The following MCTP1 variants were observed in gnomAD, a reference collection of about 807,000 sequenced individuals.
MCTP1 encodes the protein multiple C2 and transmembrane domain containing 1.
Under a neutral mutation model 120.6 loss-of-function variants are expected in MCTP1, and 69 were observed. That is an observed-to-expected ratio of 0.57 (90% CI 0.47 to 0.70). MCTP1 has a LOEUF of 0.70. Ranked by LOEUF, MCTP1 falls within the 30% of genes least tolerant of loss-of-function variation. The probability of loss-of-function intolerance (pLI) is 0.00; values close to 1 mark genes in which losing one functional copy is unlikely to be tolerated. For missense variants in MCTP1, 1,203 were observed against 1,248.8 expected, an observed-to-expected ratio of 0.96 and a Z score of 0.55; for synonymous variants, 529 against 493.1, an observed-to-expected ratio of 1.07 and a Z score of -0.96.
intron 5 of MCTP1, among the ~76,000 whole-genome samples, chr5:94,935,403 A>T (rs1040265489): frequency 4.0e-5 from 6 of 151,546 alleles, no homozygotes; most frequent in Non-Finnish European, 5.9e-5. Flanking sequence ...TGCATAAAAA[A>T]CTCACAAGAT....
intron 6 of MCTP1, among the ~76,000 whole-genome samples, chr5:94,928,038 C>T (rs912254310): frequency 6.6e-6 from 1 of 151,932 alleles, no homozygotes; most frequent in Non-Finnish European, 1.5e-5. Context: ...ATGAACTTTT[C>T]TGAAAGAAAA....
At chr5:94,778,214 A>G (rs1268566852) in intron 19 of MCTP1, among the ~76,000 whole-genome samples, 2 of 152,098 alleles carry the variant, frequency 1.3e-5, no homozygotes, top group Non-Finnish European at 1.5e-5. Context: ...CTTTACTACA[A>G]TATAAGTCAG....
chr5:94,876,022 C>A (rs1333252147), intron 12 of MCTP1, among the ~76,000 whole-genome samples: 1 of 152,122 alleles, frequency 6.6e-6, no homozygotes, highest in African/African-American at 2.4e-5. Context: ...AAATTAACAG[C>A]AATTTCAACC....
chr5:95,132,061 T>G (rs1163933365), intron 1 of MCTP1, among the ~76,000 whole-genome samples: 1 of 152,234 alleles, frequency 6.6e-6, no homozygotes, highest in East Asian at 1.9e-4. Context: ...TCTATTTTCT[T>G]TATTGAAATT....
intron 1 of MCTP1, among the ~76,000 whole-genome samples, chr5:95,149,853 G>T (rs1207577007): frequency 6.6e-6 from 1 of 151,876 alleles, no homozygotes; most frequent in Admixed American, 6.5e-5. Context: ...GATTGTGCAG[G>T]TCCCTGTAGG....
intron 11 of MCTP1, among the ~76,000 whole-genome samples, 159 bp from the exon 12 acceptor site, chr5:94,889,131 G>A (rs1801973545): frequency 6.6e-6 from 1 of 151,862 alleles, no homozygotes; most frequent in African/African-American, 2.4e-5. Flanking sequence ...TTTCCTCTTG[G>A]TGAGTTTTGG....
In MCTP1 at chr5:95,134,992, C is replaced by CAAA. The variant is rs70978170; in HGVS notation, c.721-117511_721-117509dup. On this transcript the variant is annotated intron_variant, in intron 1 of 22. Transcript: ENST00000515393. Reference sequence around the variant, plus strand: ...TCTCGATTTACTGTTGCCTGATGGCCAAAAAAAAAAAAAAAAAAAAAAAAA... The same window carrying CAAA: ...TCTCGATTTACTGTTGCCTGATGGCCAAAAAAAAAAAAAAAAAAAAAAAAAAAA... 3.7e-4 allele frequency among the ~76,000 whole-genome samples: 13 copies of CAAA among 35,338 alleles called. 1 individual carries two copies. Among genetic ancestry groups the CAAA allele is most frequent in the South Asian group, 2.7e-3 (1 of 370 alleles). 23.2% of individuals were successfully genotyped at this position (35,338 alleles called of 152,430 possible).
chr5:94,886,342 T>G (rs1170936389), intron 12 of MCTP1, among the ~76,000 whole-genome samples: 3 of 152,240 alleles, frequency 2.0e-5, no homozygotes, highest in Non-Finnish European at 4.4e-5. Flanking sequence ...GTAAGATTGA[T>G]GGCTACTTAA....
At chr5:94,870,573 A>G in intron 15 of MCTP1, 82 bp from the exon 16 acceptor site, 1 of 1,068,000 alleles carries the variant, frequency 9.4e-7, no homozygotes, top group Non-Finnish European at 1.4e-6. Context: ...ATTTGCAATA[A>G]TTTCTAAAGT....
intron 1 of MCTP1, among the ~76,000 whole-genome samples, chr5:95,201,522 T>C (rs1751049476): frequency 9.3e-6 from 1 of 106,968 alleles, no homozygotes; most frequent in Non-Finnish European, 1.8e-5. Context: ...TTTTTTTTTT[T>C]GAGACAGAGT....
intron 1 of MCTP1, among the ~76,000 whole-genome samples, chr5:95,162,133 A>G (rs1248746031): frequency 6.6e-6 from 1 of 152,214 alleles, no homozygotes; most frequent in Admixed American, 6.5e-5. Context: ...CACTGAGACG[A>G]TAAGTAGGCT....
In MCTP1 at chr5:94,805,305, G is replaced by T. The variant is rs565727341; in HGVS notation, c.2437-6173C>A. Among the ~76,000 whole-genome samples, 13 of 151,250 alleles carry T rather than the reference G, an allele frequency of 8.6e-5. No individual in the cohort carries two copies. The South Asian group carries it at 1.0e-3, about 12-fold the overall frequency. ...TTAACCATAAATATTCAGAATGAGG[G>T]TTTTTTTTTGAAAAGTTTTAATTTA... is the stretch of plus-strand genomic sequence containing the variant. On this transcript the variant is annotated intron_variant, in intron 17 of 22. Coordinates refer to ENST00000515393, the MANE Select transcript of MCTP1 (RefSeq NM_024717.7).
At chr5:94,894,581 C>G (rs1803449261) in intron 11 of MCTP1, 68 bp downstream of exon 11, 2 of 1,181,450 alleles carry the variant, frequency 1.7e-6, no homozygotes, top group Non-Finnish European at 2.3e-6. Context: ...TTCTGTCCCT[C>G]CAGGTAAATT....
chr5:95,138,479 A>G (rs1184793521), intron 1 of MCTP1, among the ~76,000 whole-genome samples: 2 of 152,324 alleles, frequency 1.3e-5, no homozygotes, highest in Middle Eastern at 3.4e-3. Flanking sequence ...TCGCATACAC[A>G]AAGAATCATC....
At chr5:94,919,743 G>A (rs1316906767) in intron 7 of MCTP1, among the ~76,000 whole-genome samples, 1 of 152,168 alleles carries the variant, frequency 6.6e-6, no homozygotes, top group African/African-American at 2.4e-5. Context: ...CCAGGCAAAG[G>A]CCTGTTCTAT....
At chr5:94,838,294 A>AG (rs1319071768) in intron 17 of MCTP1, among the ~76,000 whole-genome samples, 1 of 152,248 alleles carries the variant, frequency 6.6e-6, no homozygotes, top group African/African-American at 2.4e-5. Flanking sequence ...CCAAAAGGAC[A>AG]GTCATTTAGC....
intron 19 of MCTP1, among the ~76,000 whole-genome samples, chr5:94,771,011 C>CCATT (rs1301817574): frequency 6.6e-6 from 1 of 152,130 alleles, no homozygotes; most frequent in African/African-American, 2.4e-5. Flanking sequence ...GATAACAAGC[C>CCATT]CATTGCTGCC....
chr5:94,953,429 G>T (rs1437328981), intron 2 of MCTP1, 68 bp from the exon 3 acceptor site: 10 of 1,253,256 alleles, frequency 8.0e-6, no homozygotes, highest in Non-Finnish European at 1.1e-5. Context: ...CCACTCTTTT[G>T]AAACAACAAA....
intron 1 of MCTP1, among the ~76,000 whole-genome samples, chr5:95,244,553 A>C (rs1192488886): frequency 1.3e-5 from 2 of 152,200 alleles, no homozygotes; most frequent in African/African-American, 4.8e-5. Context: ...GGCAGGTCCT[A>C]TGCCCACAGA....
Sources: allele counts gnomAD v4.1 joint callset (sites outside exome capture counted in the v4.1 genomes callset), GRCh38; gene constraint gnomAD v4.1.1; transcripts MANE v1.5; gene names NCBI Gene and HGNC (gene_info 2026-07-23, HGNC 2026-07-21).